The following PDE4B variants were observed in gnomAD, a reference collection of about 807,000 sequenced individuals.
The protein encoded by PDE4B is phosphodiesterase 4B.
Under a neutral mutation model 82.2 loss-of-function variants are expected in PDE4B, and 20 were observed. The observed-to-expected ratio is 0.24, with a 90% CI of 0.17 to 0.35. PDE4B has a LOEUF of 0.35. PDE4B is among the 10% of genes least tolerant of loss of function. The pLI is 1.00. For missense variants in PDE4B, 655 were observed against 907.2 expected (o/e 0.72, Z 3.57); for synonymous variants, 320 against 318.9 (o/e 1.00, Z -0.04).
intron 3 of PDE4B, among the ~76,000 whole-genome samples, chr1:66,058,949 C>G (rs991872910): frequency 6.6e-6 from 1 of 152,206 alleles, no homozygotes; most frequent in South Asian, 2.1e-4. Context: ...ATTTTCTTTT[C>G]TATCACATTG....
chr1:66,167,264 T>A (rs1318288888), intron 3 of PDE4B, among the ~76,000 whole-genome samples: 2 of 152,232 alleles, frequency 1.3e-5, no homozygotes, highest in Non-Finnish European at 2.9e-5. Context: ...TTCATAAAAG[T>A]ATTATTCATA....
chr1:66,279,659 G>A (rs575108242), intron 7 of PDE4B, among the ~76,000 whole-genome samples: 1 of 152,072 alleles, frequency 6.6e-6, no homozygotes, highest in South Asian at 2.1e-4. Context: ...TGTCAGTCAT[G>A]GTCCTCTACA....
intron 3 of PDE4B, among the ~76,000 whole-genome samples, chr1:66,190,776 G>A (rs1024284651): frequency 1.3e-5 from 2 of 152,190 alleles, no homozygotes; most frequent in African/African-American, 4.8e-5. Flanking sequence ...CCCTGACTCC[G>A]TGGGCTTCCT....
intron 3 of PDE4B, among the ~76,000 whole-genome samples, chr1:65,925,378 C>T (rs949092490): frequency 1.3e-5 from 2 of 151,994 alleles, no homozygotes; most frequent in African/African-American, 2.4e-5. Context: ...TATTAAAGTA[C>T]AATCAGTGTG....
intron 3 of PDE4B, among the ~76,000 whole-genome samples, chr1:65,952,075 T>C (rs1401351707): frequency 7.2e-5 from 11 of 152,036 alleles, no homozygotes; most frequent in Admixed American, 7.2e-4. Context: ...CTAGAGAACT[T>C]GTTAAAAATG....
chr1:65,802,848 A>G (rs184871582), intron 1 of PDE4B, among the ~76,000 whole-genome samples: 1 of 152,208 alleles, frequency 6.6e-6, no homozygotes, highest in East Asian at 1.9e-4. Flanking sequence ...TATTAAGGGA[A>G]TTATAAGCAA....
chr1:65,880,731 T>C (rs1646699312), intron 1 of PDE4B, among the ~76,000 whole-genome samples: 1 of 152,208 alleles, frequency 6.6e-6, no homozygotes, highest in African/African-American at 2.4e-5. Context: ...TAAATTTGTG[T>C]TGTTAATAAG....
intron 3 of PDE4B, among the ~76,000 whole-genome samples, chr1:66,085,896 C>A (rs1570185863): frequency 6.6e-6 from 1 of 152,002 alleles, no homozygotes; most frequent in East Asian, 1.9e-4. Flanking sequence ...GGAGCTCATC[C>A]CACGCTGCTG....
At chr1:66,270,353 G>A (rs1467804325) in intron 7 of PDE4B, among the ~76,000 whole-genome samples, 1 of 152,204 alleles carries the variant, frequency 6.6e-6, no homozygotes, top group Non-Finnish European at 1.5e-5. Flanking sequence ...TACAGGTTCT[G>A]CCCATAGCTT....
intron 3 of PDE4B, among the ~76,000 whole-genome samples, chr1:66,192,580 C>G (rs780784156): frequency 5.1e-4 from 77 of 152,128 alleles, no homozygotes; most frequent in Admixed American, 1.7e-3. Flanking sequence ...TTACCCCTAG[C>G]GGAGTCTCAG....
chr1:65,863,804 T>C (rs147138325), intron 1 of PDE4B, among the ~76,000 whole-genome samples: 2,832 of 152,314 alleles, frequency 0.019, 39 homozygotes, highest in Non-Finnish European at 0.026. Flanking sequence ...AAGTCTGTTT[T>C]ATCAGAGACT....
At chr1:66,237,808 T>A (rs1652579675) in intron 3 of PDE4B, among the ~76,000 whole-genome samples, 1 of 152,206 alleles carries the variant, frequency 6.6e-6, no homozygotes, top group Non-Finnish European at 1.5e-5. Context: ...GCTCACACAG[T>A]CAATTATTCT....
chr1:65,937,486 A>G (rs1648217098), intron 3 of PDE4B, among the ~76,000 whole-genome samples: 1 of 152,206 alleles, frequency 6.6e-6, no homozygotes. Context: ...TGTTTTAAAG[A>G]TCAAAATACC....
chr1:66,202,458 T>C (rs528447572), intron 3 of PDE4B, among the ~76,000 whole-genome samples: 3,334 of 151,304 alleles, frequency 0.022, 63 homozygotes, highest in Non-Finnish European at 0.034. Context: ...GTTAAAGTCT[T>C]CCATTATTAT....
At chr1:66,271,843 T>A (rs1655505894) in intron 7 of PDE4B, among the ~76,000 whole-genome samples, 1 of 152,232 alleles carries the variant, frequency 6.6e-6, no homozygotes, top group African/African-American at 2.4e-5. Flanking sequence ...CAAATCACTA[T>A]TGTCTGCCAG....
At chr1:65,885,788 C>T (rs1416705429) in intron 1 of PDE4B, among the ~76,000 whole-genome samples, 2 of 151,380 alleles carry the variant, frequency 1.3e-5, no homozygotes, top group Non-Finnish European at 2.9e-5. Flanking sequence ...TGCAGCACAC[C>T]AACATGGCAC....
At chr1:65,829,393 A>T (rs1646055957) in intron 1 of PDE4B, among the ~76,000 whole-genome samples, 1 of 152,172 alleles carries the variant, frequency 6.6e-6, no homozygotes, top group African/African-American at 2.4e-5. Flanking sequence ...TATTGACAAA[A>T]CAAGAAGGCA....
At chr1:66,072,196 A>C (rs921312999) in intron 3 of PDE4B, among the ~76,000 whole-genome samples, 1 of 152,138 alleles carries the variant, frequency 6.6e-6, no homozygotes, top group Non-Finnish European at 1.5e-5. Context: ...CATGAATACC[A>C]TGTAGGCTGC....
chr1:66,247,227 G>A (rs748678913), intron 3 of PDE4B, among the ~76,000 whole-genome samples: 2 of 152,172 alleles, frequency 1.3e-5, no homozygotes, highest in Non-Finnish European at 2.9e-5. Flanking sequence ...TTTGCTAATG[G>A]TGGGCATGGG....
Sources: gnomAD v4.1 joint callset for allele counts (sites outside exome capture counted in the v4.1 genomes callset) on GRCh38, gnomAD v4.1.1 for gene constraint, MANE v1.5 for transcripts, NCBI Gene and HGNC (gene_info 2026-07-23, HGNC 2026-07-21) for gene names.